JAKMIP2: variants seen among roughly 807,000 people sequenced by gnomAD.
JAKMIP2 encodes the protein janus kinase and microtubule interacting protein 2, also known as janus kinase and microtubule-interacting protein 2.
JAKMIP2 carries 25 observed loss-of-function variants against 115.0 expected under a neutral mutation model. The ratio of observed to expected loss-of-function variants is 0.22; its 90% CI spans 0.16 to 0.30. The LOEUF is 0.30. Ranked by LOEUF, JAKMIP2 falls within the 10% of genes least tolerant of loss-of-function variation. The probability of loss-of-function intolerance (pLI) is 1.00; values close to 1 mark genes in which losing one functional copy is unlikely to be tolerated. For missense variants in JAKMIP2, 642 were observed against 957.6 expected, an observed-to-expected ratio of 0.67 and a Z score of 4.35; for synonymous variants, 334 against 343.6, an observed-to-expected ratio of 0.97 and a Z score of 0.31.
rs116454558 is a variant in JAKMIP2 at position 147,631,158 on chromosome 5, C to T, written c.1875+255G>A. ...ATTAAGGCTAATTTTGATGCAGCGT[C>T]TTTCTTCATATGACTCTGTTCTAAA... On this transcript the variant is annotated intron_variant, in intron 14 of 21. Transcript: ENST00000616793. Among the ~76,000 whole-genome samples, 188 of 152,298 alleles carry T rather than the reference C, an allele frequency of 1.2e-3. 4 individuals carry two copies. Among genetic ancestry groups the T allele is most frequent in the African/African-American group, 4.4e-3 (181 of 41,568 alleles).
intron 1 of JAKMIP2, among the ~76,000 whole-genome samples, chr5:147,767,278 G>A (rs1475294334): frequency 2.6e-5 from 4 of 152,084 alleles, no homozygotes; most frequent in Non-Finnish European, 5.9e-5. Context: ...CATTTACTAT[G>A]ACAAAGAACT....
intron 5 of JAKMIP2, among the ~76,000 whole-genome samples, chr5:147,646,817 C>CA (rs1489602991): frequency 4.6e-5 from 7 of 150,558 alleles, no homozygotes; most frequent in Admixed American, 1.3e-4. Flanking sequence ...TCAATACACA[C>CA]AAAAAATATA....
In JAKMIP2 at chr5:147,645,042, T is replaced by TGGGG. The variant is rs747740490; in HGVS notation, c.937-50_937-47dup. 30 of 1,599,358 alleles carry TGGGG rather than the reference T, an allele frequency of 1.9e-5. No individual in the cohort carries two copies. In the South Asian group the frequency reaches 3.3e-4, roughly 17 times the overall value. On this transcript the variant is annotated intron_variant, in intron 5 of 21. Transcript: ENST00000616793. ...ATTTGTGTCTTGCGTTTGGGGGACG[T>TGGGG]GGGGGCAGGGGAGTAAAGTGGTGGG...
intron 1 of JAKMIP2, among the ~76,000 whole-genome samples, chr5:147,710,016 C>T (rs1752721872): frequency 6.6e-6 from 1 of 152,178 alleles, no homozygotes; most frequent in South Asian, 2.1e-4. Context: ...TGATGTTCTA[C>T]TTGTCTTTGA....
intron 10 of JAKMIP2, among the ~76,000 whole-genome samples, chr5:147,638,530 T>C (rs1191401214): frequency 1.3e-5 from 2 of 152,208 alleles, no homozygotes; most frequent in African/African-American, 2.4e-5. Context: ...TTGGTGTTTT[T>C]TAAAAACCTG....
At chr5:147,634,829 T>C (rs569054503) in intron 12 of JAKMIP2, among the ~76,000 whole-genome samples, 150 of 152,310 alleles carry the variant, frequency 9.8e-4, no homozygotes, top group Non-Finnish European at 1.7e-3. Flanking sequence ...AGCATCTTTT[T>C]CCTCCTTCTC....
At chr5:147,776,637 T>C (rs1755568149) in intron 1 of JAKMIP2, among the ~76,000 whole-genome samples, 1 of 152,158 alleles carries the variant, frequency 6.6e-6, no homozygotes, top group Admixed American at 6.5e-5. Context: ...AGGTTAAAAC[T>C]ACAGGACAGG....
intron 20 of JAKMIP2, among the ~76,000 whole-genome samples, chr5:147,610,754 A>G (rs1756275431): frequency 6.6e-6 from 1 of 152,176 alleles, no homozygotes; most frequent in African/African-American, 2.4e-5. Flanking sequence ...GCAGGCAGGA[A>G]TGTTTAAGTC....
intron 1 of JAKMIP2, among the ~76,000 whole-genome samples, chr5:147,748,580 A>G (rs1204419099): frequency 1.3e-5 from 2 of 152,214 alleles, no homozygotes; most frequent in East Asian, 3.8e-4. Flanking sequence ...AGCTGTGCCA[A>G]TAGAAAAGGG....
At position 147,618,093 on chromosome 5, in the gene JAKMIP2, T is replaced by A; in HGVS notation, c.2164A>T (p.Thr722Ser). 1 of 1,613,768 alleles carries A rather than the reference T, an allele frequency of 6.2e-7. No homozygotes were observed. Among genetic ancestry groups the A allele is most frequent in the Middle Eastern group, 1.7e-4 (1 of 6,058 alleles). ...AYMRIQELEA[T>S]LYNALQQETV... ...TCTTGCTGTAGAGCATTGTACAAAGTAGCTTCTAGTTCCTGGATTCTCTGG... is the reference window on the plus strand; with the variant it reads ...TCTTGCTGTAGAGCATTGTACAAAGAAGCTTCTAGTTCCTGGATTCTCTGG... The change falls in exon 19 of 22, where the codon ACT (threonine) becomes TCT (serine). Residue 722 changes from threonine (T) to serine (S), a missense_variant. Physicochemically the swap from Thr to Ser is moderately conservative, Grantham distance 58 (BLOSUM62 1). Around this residue, in one of 6 missense-constraint regions of JAKMIP2, gnomAD observed 68 missense variants for 104.6 expected, o/e 0.65. Transcript: ENST00000616793.
chr5:147,780,654 G>A (rs947785692), intron 1 of JAKMIP2, among the ~76,000 whole-genome samples: 1 of 152,100 alleles, frequency 6.6e-6, no homozygotes, highest in African/African-American at 2.4e-5. Context: ...TATATAACAT[G>A]CTATGAGCAC....
At position 147,648,493 on chromosome 5, in the gene JAKMIP2, A is replaced by G. The variant is rs756158694; in HGVS notation, c.838-19T>C. ...GCAAATCCTACAAAGAAAAATTAAA[A>G]TGGGTATTTCTTCAACAACACTTTT... On this transcript the variant is annotated intron_variant, in intron 4 of 21. Coordinates refer to ENST00000616793, the MANE Select transcript of JAKMIP2 (RefSeq NM_001270941.2). 1.5e-6 allele frequency: 2 copies of G among 1,369,352 alleles called. No homozygotes were observed. The highest frequency in any genetic ancestry group is 2.1e-6 in the Non-Finnish European group (2 of 960,132). 84.8% of individuals were successfully genotyped at this position (1,369,352 alleles called of 1,614,324 possible).
intron 1 of JAKMIP2, among the ~76,000 whole-genome samples, chr5:147,690,652 A>G (rs1751801050): frequency 6.6e-6 from 1 of 150,994 alleles, no homozygotes; most frequent in Non-Finnish European, 1.5e-5. Flanking sequence ...TTGGAAAGAT[A>G]TATGAGGTAA....
chr5:147,602,819 T>C (rs974863859), intron 20 of JAKMIP2, among the ~76,000 whole-genome samples: 1 of 152,248 alleles, frequency 6.6e-6, no homozygotes, highest in East Asian at 1.9e-4. Flanking sequence ...CATTCTCATA[T>C]TGTGAATGTT....
chr5:147,662,542 G>A (rs994033408), intron 2 of JAKMIP2, among the ~76,000 whole-genome samples: 2 of 152,036 alleles, frequency 1.3e-5, no homozygotes, highest in African/African-American at 4.8e-5. Context: ...AGACATTTGT[G>A]TCTCGAAAAA....
intron 5 of JAKMIP2, among the ~76,000 whole-genome samples, chr5:147,646,966 A>G (rs907873066): frequency 2.6e-5 from 4 of 151,928 alleles, no homozygotes; most frequent in Admixed American, 1.3e-4. Context: ...GCAGACAAAA[A>G]TATCAGTAAG....
At chr5:147,646,730 A>G (rs1193408321) in intron 5 of JAKMIP2, among the ~76,000 whole-genome samples, 1 of 151,678 alleles carries the variant, frequency 6.6e-6, no homozygotes, top group Non-Finnish European at 1.5e-5. Context: ...CAAAAATCTG[A>G]TGTAGTTCAA....
chr5:147,684,296 AACACACACACACAC>A (rs10565596), intron 1 of JAKMIP2, among the ~76,000 whole-genome samples: 8 of 147,368 alleles, frequency 5.4e-5, no homozygotes, highest in Non-Finnish European at 6.1e-5. Flanking sequence ...AGTGCCAGAG[AACACACACACACAC>A]ACACACACAC....
chr5:147,762,553 G>A (rs1168252436), intron 1 of JAKMIP2, among the ~76,000 whole-genome samples: 1 of 151,918 alleles, frequency 6.6e-6, no homozygotes, highest in Non-Finnish European at 1.5e-5. Context: ...GTCCTCACAT[G>A]GCCTTTTCTC....
Sources: allele counts gnomAD v4.1 joint callset (sites outside exome capture counted in the v4.1 genomes callset), GRCh38; gene constraint gnomAD v4.1.1; regional missense constraint gnomAD v4.1.1; transcripts MANE v1.5; gene names NCBI Gene and HGNC (gene_info 2026-07-23, HGNC 2026-07-21).